The following ABL2 variants were observed in gnomAD, a reference collection of about 807,000 sequenced individuals.
ABL2 encodes tyrosine-protein kinase ABL2.
ABL2 carries 49 observed loss-of-function variants against 107.7 expected under a neutral mutation model. The ratio of observed to expected loss-of-function variants is 0.45; its 90% CI spans 0.36 to 0.58. The LOEUF (loss-of-function observed/expected upper bound fraction) is 0.58, where lower values mean the gene tolerates loss of function less well. ABL2 is among the 20% of genes least tolerant of loss of function. ABL2 has a pLI of 0.00. For missense variants in ABL2, 1,245 were observed against 1,457.0 expected (o/e 0.85, Z 2.37); for synonymous variants, 549 against 548.6 (o/e 1.00, Z -0.01).
chr1:179,180,062 A>C (rs1660282938), intron 1 of ABL2, among the ~76,000 whole-genome samples: 1 of 151,572 alleles, frequency 6.6e-6, no homozygotes, highest in Admixed American at 6.6e-5. Context: ...GCAGTGAGCC[A>C]TGCACTCCAG....
intron 1 of ABL2, among the ~76,000 whole-genome samples, chr1:179,226,331 T>TTC (rs1663208221): frequency 7.2e-6 from 1 of 139,170 alleles, no homozygotes; most frequent in Non-Finnish European, 1.6e-5. Context: ...TTTTTTTTTT[T>TTC]GAGACAGAGT....
At chr1:179,136,230 T>G (rs71630209) in intron 1 of ABL2, among the ~76,000 whole-genome samples, 3 of 151,246 alleles carry the variant, frequency 2.0e-5, no homozygotes, top group Admixed American at 2.0e-4. Flanking sequence ...TCATTGAGAA[T>G]GGGCCATGAT....
At chr1:179,131,771 G>A (rs1016204284) in intron 2 of ABL2, among the ~76,000 whole-genome samples, 2 of 152,140 alleles carry the variant, frequency 1.3e-5, no homozygotes, top group East Asian at 1.9e-4. Flanking sequence ...AATAGGAAAC[G>A]CAGTTTTCTC....
chr1:179,229,206 C>CCCCCCCCCCCCCCCCCCCT, intron 1 of ABL2, 35 bp downstream of exon 1: 1 of 1,480,762 alleles, frequency 6.8e-7, no homozygotes, highest in Non-Finnish European at 9.0e-7. Flanking sequence ...CCCGGCCTCC[C>CCCCCCCCCCCCCCCCCCCT]CCACGCTCTC....
At chr1:179,225,669 A>C (rs1663152623) in intron 1 of ABL2, among the ~76,000 whole-genome samples, 1 of 152,174 alleles carries the variant, frequency 6.6e-6, no homozygotes, top group South Asian at 2.1e-4. Context: ...GGATGCTGCT[A>C]AACATCCTAC....
intron 1 of ABL2, among the ~76,000 whole-genome samples, chr1:179,189,932 T>G (rs1475233136): frequency 2.6e-5 from 4 of 152,036 alleles, no homozygotes; most frequent in African/African-American, 9.7e-5. Context: ...GCAATTCTCC[T>G]GCCTCAGCCT....
chr1:179,110,226 T>C (rs531820454), intron 11 of ABL2, 56 bp downstream of exon 11: 38 of 1,599,608 alleles, frequency 2.4e-5, no homozygotes, highest in Admixed American at 6.7e-5. Flanking sequence ...TCACACCCCA[T>C]GCTTCTTTAA....
At chr1:179,110,563 T>TA in intron 10 of ABL2, 108 bp from the exon 11 acceptor site, 1 of 1,511,618 alleles carries the variant, frequency 6.6e-7, no homozygotes, top group Non-Finnish European at 8.8e-7. Flanking sequence ...AGTAGAGTAC[T>TA]AAAATACATA....
Position 179,118,655 on chromosome 1 carries a change from C to A in ABL2, c.1155G>T (p.Val385=). The change falls in exon 7 of 12, where the codon GTG becomes GTT. Residue 385 remains valine, a synonymous_variant. Transcript: ENST00000502732. The stretch of plus-strand genomic sequence containing the variant: ...AAATCTGAGTGGCCATGTAGAGCAG[C>A]ACAACTGCAGTCACCTCTTCTCGGT... ...ECNREEVTAV[V]LLYMATQISS... is the part of the protein sequence containing the mutation. 6.2e-7 allele frequency: 1 copy of A among 1,613,766 alleles called. No homozygotes were observed. Among genetic ancestry groups the A allele is most frequent in the Non-Finnish European group, 8.5e-7 (1 of 1,179,962 alleles).
In ABL2 at chr1:179,108,431, C is replaced by A. The variant is rs28913889; in HGVS notation, c.2836G>T (p.Val946Leu). Residue 946 changes from valine to leucine, a missense_variant, in exon 12 of 12, where the codon GTG becomes TTG. Around this residue, in one of 3 missense-constraint regions of ABL2, gnomAD observed 761 missense variants for 766.4 expected, o/e 0.99. Transcript: ENST00000502732. ...TGAGAGTCTGTGCCAATGAGCTGCA[C>A]GTCAGCTGGAGTGTGTTTCAGAGTG... ...SPTLKHTPAD[V>L]QLIGTDSQGN... is the part of the protein sequence containing the mutation. 3.1e-6 allele frequency: 5 copies of A among 1,614,220 alleles called. No homozygotes were observed. Among genetic ancestry groups the A allele is most frequent in the South Asian group, 2.2e-5 (2 of 91,086 alleles).
intron 1 of ABL2, among the ~76,000 whole-genome samples, chr1:179,183,447 A>G (rs1660496607): frequency 6.6e-6 from 1 of 152,218 alleles, no homozygotes; most frequent in Non-Finnish European, 1.5e-5. Context: ...AAAGGAAGAC[A>G]ATCACAAGGC....
intron 1 of ABL2, among the ~76,000 whole-genome samples, chr1:179,160,517 A>G (rs1165431446): frequency 6.6e-6 from 1 of 152,144 alleles, no homozygotes; most frequent in African/African-American, 2.4e-5. Flanking sequence ...ACATATCTAC[A>G]TTATCTAATT....
chr1:179,216,504 TAGC>T (rs1364034025), intron 1 of ABL2, among the ~76,000 whole-genome samples: 3 of 152,210 alleles, frequency 2.0e-5, no homozygotes, highest in African/African-American at 7.2e-5. Context: ...TTCTTTTAGA[TAGC>T]AGTTCTGTCT....
At chr1:179,221,696 T>G in intron 1 of ABL2, 2 of 228,690 alleles carry the variant, frequency 8.7e-6, no homozygotes. Context: ...TCATCAATAC[T>G]GGCAATTTAG....
chr1:179,139,973 G>A (rs1251138044), intron 1 of ABL2, among the ~76,000 whole-genome samples: 1 of 152,162 alleles, frequency 6.6e-6, no homozygotes, highest in Non-Finnish European at 1.5e-5. Context: ...AAAAGGTTGG[G>A]ACCACTGATG....
chr1:179,127,008 C>T (rs1037332572), intron 3 of ABL2, among the ~76,000 whole-genome samples: 7 of 152,146 alleles, frequency 4.6e-5, no homozygotes, highest in African/African-American at 9.7e-5. Flanking sequence ...GGACACAGTG[C>T]TCACTCTTCA....
intron 1 of ABL2, among the ~76,000 whole-genome samples, chr1:179,210,519 GAAAA>G (rs939538481): frequency 9.7e-6 from 1 of 102,858 alleles, no homozygotes; most frequent in African/African-American, 3.4e-5. Flanking sequence ...AAAAAAAAAA[GAAAA>G]AAAAAAGCTT....
At chr1:179,218,158 T>C (rs1007254378) in intron 1 of ABL2, among the ~76,000 whole-genome samples, 2 of 150,900 alleles carry the variant, frequency 1.3e-5, no homozygotes, top group African/African-American at 4.9e-5. Flanking sequence ...TCAGCAGAAC[T>C]GTTTTCTACT....
chr1:179,151,387 T>G (rs1658354253), intron 1 of ABL2, among the ~76,000 whole-genome samples: 1 of 152,224 alleles, frequency 6.6e-6, no homozygotes, highest in Non-Finnish European at 1.5e-5. Context: ...TCTCTTCCTT[T>G]GCCTAAGCTC....
Sources: allele counts gnomAD v4.1 joint callset (sites outside exome capture counted in the v4.1 genomes callset), GRCh38; gene constraint gnomAD v4.1.1; regional missense constraint gnomAD v4.1.1; transcripts MANE v1.5; gene names NCBI Gene and HGNC (gene_info 2026-07-23, HGNC 2026-07-21).